The following SYNPR variants were observed in gnomAD, a reference collection of about 807,000 sequenced individuals.
SYNPR encodes synaptoporin.
A neutral mutation model predicts 32.9 loss-of-function variants in SYNPR; 23 were observed. The ratio of observed to expected loss-of-function variants is 0.70; its 90% CI spans 0.50 to 0.99. SYNPR has a LOEUF of 0.99. SYNPR is among the 50% of genes least tolerant of loss of function. The probability of loss-of-function intolerance (pLI) is 0.00; values close to 1 mark genes in which losing one functional copy is unlikely to be tolerated. For missense variants in SYNPR, 318 were observed against 349.3 expected, an observed-to-expected ratio of 0.91 and a Z score of 0.71; for synonymous variants, 146 against 135.9, an observed-to-expected ratio of 1.07 and a Z score of -0.52.
chr3:63,349,068 A>T (rs2087473188), intron 2 of SYNPR, among the ~76,000 whole-genome samples: 1 of 151,920 alleles, frequency 6.6e-6, no homozygotes, highest in South Asian at 2.1e-4. Flanking sequence ...CATTAAATCT[A>T]TAGATTGCTT....
intron 3 of SYNPR, among the ~76,000 whole-genome samples, chr3:63,485,009 T>C (rs1305665761): frequency 6.6e-6 from 1 of 152,102 alleles, no homozygotes; most frequent in Non-Finnish European, 1.5e-5. Context: ...GAGTACAAGT[T>C]AGGATTTGAT....
At chr3:63,441,343 G>C (rs920579085) in intron 2 of SYNPR, among the ~76,000 whole-genome samples, 4 of 152,066 alleles carry the variant, frequency 2.6e-5, no homozygotes, top group African/African-American at 9.7e-5. Flanking sequence ...TTAATATTCA[G>C]AGCCAATGAG....
chr3:63,273,065 G>A (rs1444818757), intron 3 of SYNPR, among the ~76,000 whole-genome samples: 1 of 151,638 alleles, frequency 6.6e-6, no homozygotes, highest in East Asian at 1.9e-4. Flanking sequence ...ATTTGAGAAG[G>A]GGGAAGAGAT....
intron 3 of SYNPR, among the ~76,000 whole-genome samples, chr3:63,512,302 G>A (rs936067978): frequency 2.2e-4 from 33 of 152,186 alleles, no homozygotes; most frequent in African/African-American, 7.9e-4. Context: ...AATGGATTAT[G>A]CTATTTGCAG....
At chr3:63,224,102 A>G (rs2086112128), upstream of SYNPR, among the ~76,000 whole-genome samples, 1 of 152,266 alleles carries the variant, frequency 6.6e-6, no homozygotes, top group South Asian at 2.1e-4. Context: ...TTGAAGGAGT[A>G]TAACAGAATG....
At chr3:63,507,801 G>C (rs2106748122) in intron 3 of SYNPR, among the ~76,000 whole-genome samples, 1 of 151,682 alleles carries the variant, frequency 6.6e-6, no homozygotes, top group South Asian at 2.1e-4. Context: ...GTTAAAAAAT[G>C]ATAGCAGAAA....
At chr3:63,481,652 T>C (rs1701049334) in intron 3 of SYNPR, among the ~76,000 whole-genome samples, 1 of 151,906 alleles carries the variant, frequency 6.6e-6, no homozygotes, top group Non-Finnish European at 1.5e-5. Context: ...AATAAAAGAG[T>C]AGAAAGCTCA....
At chr3:63,292,527 C>G (rs948489812) in intron 2 of SYNPR, among the ~76,000 whole-genome samples, 1 of 152,178 alleles carries the variant, frequency 6.6e-6, no homozygotes, top group African/African-American at 2.4e-5. Context: ...TAGTTACAAG[C>G]TATGTGACCT....
At chr3:63,454,863 T>C (rs1411367515) in intron 2 of SYNPR, among the ~76,000 whole-genome samples, 1 of 152,004 alleles carries the variant, frequency 6.6e-6, no homozygotes, top group Non-Finnish European at 1.5e-5. Context: ...GTGTTGAGGA[T>C]AAAAACAAAA....
intron 2 of SYNPR, among the ~76,000 whole-genome samples, chr3:63,460,572 C>CAAAAAAAAAA (rs11390803): frequency 2.2e-5 from 1 of 45,716 alleles, no homozygotes; most frequent in African/African-American, 9.1e-5. Context: ...ATTGGTAGAC[C>CAAAAAAAAAA]AAAAAAAAAA....
chr3:63,452,107 T>C (rs141605901), intron 2 of SYNPR: 892 of 702,124 alleles, frequency 1.3e-3, no homozygotes, highest in Middle Eastern at 2.3e-3. Flanking sequence ...TCTGGATCTC[T>C]TCAAAAAGGC....
rs571994539 is a variant in SYNPR at position 63,269,226 on chromosome 3, C to T, written n.287+1777C>T. Among the ~76,000 whole-genome samples the T allele has an allele frequency of 1.6e-3, 251 of 152,304 alleles. 5 individuals are homozygous for T. Among genetic ancestry groups the T allele is most frequent in the Admixed American group, 0.014 (221 of 15,292 alleles). The stretch of plus-strand genomic sequence containing the variant: ...AGACCAGGCCAAGTGCAGTGGCTCA[C>T]GCCTGTAATTTCAGCACTTTGGGAG... On this transcript the variant is annotated intron_variant and non_coding_transcript_variant, in intron 3 of 4. Transcript: ENST00000478456.
At chr3:63,599,843 T>A (rs956605770) in intron 4 of SYNPR, among the ~76,000 whole-genome samples, 6 of 152,218 alleles carry the variant, frequency 3.9e-5, no homozygotes, top group Non-Finnish European at 8.8e-5. Context: ...ATAGTACACA[T>A]ATAATTTCTA....
chr3:63,489,426 T>C (rs1425033790), intron 3 of SYNPR, among the ~76,000 whole-genome samples: 1 of 152,232 alleles, frequency 6.6e-6, no homozygotes, highest in East Asian at 1.9e-4. Context: ...GCCATCATTG[T>C]ATACAGAAAT....
chr3:63,406,536 C>G (rs1018426517), intron 2 of SYNPR, among the ~76,000 whole-genome samples: 7 of 151,580 alleles, frequency 4.6e-5, no homozygotes, highest in Non-Finnish European at 7.4e-5. Context: ...CAAGTTAGGA[C>G]AGGCCAGAGC....
At chr3:63,233,622 C>G (rs929919537) in intron 1 of SYNPR, among the ~76,000 whole-genome samples, 5 of 152,170 alleles carry the variant, frequency 3.3e-5, no homozygotes, top group African/African-American at 9.7e-5. Context: ...CTGCACTCAA[C>G]CTAAGTTTGA....
chr3:63,312,642 T>C (rs1233018033), intron 2 of SYNPR, among the ~76,000 whole-genome samples: 1 of 152,016 alleles, frequency 6.6e-6, no homozygotes, highest in East Asian at 1.9e-4. Context: ...CCTCTTTCCT[T>C]CCTGACGTAA....
rs539664931 is a variant in SYNPR at position 63,522,282 on chromosome 3, A to G, written c.210-34261A>G. On this transcript the variant is annotated intron_variant, in intron 3 of 5. Coordinates refer to ENST00000478300, the MANE Select transcript of SYNPR (RefSeq NM_001130003.2). Reference sequence around the variant, plus strand: ...TTTATTGCTTCCTATGTCTCACTTTATCCAAGGAATTTCCTTCTCTTTGAC... The same window carrying G: ...TTTATTGCTTCCTATGTCTCACTTTGTCCAAGGAATTTCCTTCTCTTTGAC... 1.0e-3 allele frequency among the ~76,000 whole-genome samples: 155 copies of G among 152,310 alleles called. 1 individual carries two copies. Among genetic ancestry groups the G allele is most frequent in the African/African-American group, 3.6e-3 (150 of 41,554 alleles).
rs116833282 is a variant in SYNPR, at chr3:63,483,791, C to T, written c.209+2835C>T. 9.4e-3 allele frequency among the ~76,000 whole-genome samples: 1,436 copies of T among 152,198 alleles called. 21 individuals carry two copies. The highest frequency in any genetic ancestry group is 0.032 in the African/African-American group (1,330 of 41,532). On this transcript the variant is annotated intron_variant, in intron 3 of 5. Coordinates refer to ENST00000478300, the MANE Select transcript of SYNPR (RefSeq NM_001130003.2). Reference sequence around the variant, plus strand: ...GCAAGAAGCAGCTGTTGAGACAACTCAGCAATTTGAAGTAGGAGATTATAA... The same window carrying T: ...GCAAGAAGCAGCTGTTGAGACAACTTAGCAATTTGAAGTAGGAGATTATAA...
Sources: allele counts gnomAD v4.1 joint callset (sites outside exome capture counted in the v4.1 genomes callset), GRCh38; gene constraint gnomAD v4.1.1; transcripts MANE v1.5; gene names NCBI Gene and HGNC (gene_info 2026-07-23, HGNC 2026-07-21).